NUBPL: variants seen among roughly 807,000 people sequenced by gnomAD.
The protein encoded by NUBPL is NUBP iron-sulfur cluster assembly factor, mitochondrial.
NUBPL carries 31 observed loss-of-function variants against 45.7 expected under a neutral mutation model. The ratio of observed to expected loss-of-function variants is 0.68; its 90% CI spans 0.51 to 0.92. NUBPL has a LOEUF of 0.92. Ranked by LOEUF, NUBPL falls within the 40% of genes least tolerant of loss-of-function variation. NUBPL has a pLI of 0.00. For missense variants in NUBPL, 401 were observed against 398.7 expected (o/e 1.01, Z -0.05); for synonymous variants, 144 against 140.9 (o/e 1.02, Z -0.15).
chr14:31,613,613 A>G (rs902804080), intron 4 of NUBPL, among the ~76,000 whole-genome samples: 2 of 152,078 alleles, frequency 1.3e-5, no homozygotes, highest in South Asian at 2.1e-4. Context: ...ACGCACCACC[A>G]TGCCCAGCTA....
intron 6 of NUBPL, among the ~76,000 whole-genome samples, chr14:31,754,543 A>G (rs1051673078): frequency 1.3e-5 from 2 of 151,332 alleles, no homozygotes; most frequent in Non-Finnish European, 2.9e-5. Context: ...GATAATCTAT[A>G]GATTTAGAAG....
At chr14:31,637,817 G>A (rs1595408567) in intron 4 of NUBPL, among the ~76,000 whole-genome samples, 1 of 152,156 alleles carries the variant, frequency 6.6e-6, no homozygotes, top group Non-Finnish European at 1.5e-5. Flanking sequence ...TCTTCTTGTT[G>A]AATTGATCCC....
intron 6 of NUBPL, among the ~76,000 whole-genome samples, chr14:31,765,728 C>T (rs967595419): frequency 2.6e-5 from 4 of 151,854 alleles, no homozygotes; most frequent in Non-Finnish European, 4.4e-5. Flanking sequence ...GAAAATGTTT[C>T]TCTTTTATTT....
chr14:31,793,839 T>TTCTGTG (rs1465635905), intron 7 of NUBPL, among the ~76,000 whole-genome samples: 11 of 124,820 alleles, frequency 8.8e-5, no homozygotes, highest in African/African-American at 5.6e-4. Context: ...TTTTTTTTTT[T>TTCTGTG]TATTTTTTTT....
intron 7 of NUBPL, among the ~76,000 whole-genome samples, chr14:31,803,549 T>A (rs1300675401): frequency 6.6e-6 from 1 of 152,216 alleles, no homozygotes; most frequent in African/African-American, 2.4e-5. Flanking sequence ...TATTAAATCT[T>A]CATTAATGTT....
intron 8 of NUBPL, among the ~76,000 whole-genome samples, chr14:31,831,370 A>G (rs1331618735): frequency 1.3e-5 from 2 of 151,758 alleles, no homozygotes; most frequent in Non-Finnish European, 2.9e-5. Context: ...GAGCTTTTTT[A>G]ATTTTATGAT....
At chr14:31,841,476 A>G (rs1297066851) in intron 8 of NUBPL, among the ~76,000 whole-genome samples, 1 of 152,096 alleles carries the variant, frequency 6.6e-6, no homozygotes, top group African/African-American at 2.4e-5. Flanking sequence ...TTATTGTATT[A>G]TCTGGCTTTT....
intron 6 of NUBPL, among the ~76,000 whole-genome samples, chr14:31,751,883 A>G (rs1413457941): frequency 6.6e-6 from 1 of 152,124 alleles, no homozygotes; most frequent in East Asian, 1.9e-4. Flanking sequence ...CCAAAGCTCA[A>G]TTCTTGCCTT....
chr14:31,643,142 T>G (rs1373322745), intron 4 of NUBPL, among the ~76,000 whole-genome samples: 2 of 152,158 alleles, frequency 1.3e-5, no homozygotes, highest in African/African-American at 4.8e-5. Context: ...TGTATATGCT[T>G]TATCTCTTTC....
At chr14:31,561,748 C>T (rs899985128) in intron 1 of NUBPL, 1 of 577,796 alleles carries the variant, frequency 1.7e-6, no homozygotes, top group Non-Finnish European at 3.0e-6. Flanking sequence ...ATGTGGTATT[C>T]TACATTGCTT....
intron 6 of NUBPL, among the ~76,000 whole-genome samples, chr14:31,694,503 A>AACAT (rs1274547459): frequency 3.3e-5 from 5 of 152,116 alleles, no homozygotes; most frequent in East Asian, 3.9e-4. Flanking sequence ...ATCTTACAGC[A>AACAT]ACATACATAC....
intron 6 of NUBPL, among the ~76,000 whole-genome samples, chr14:31,754,914 G>C (rs1196150245): frequency 7.9e-6 from 1 of 126,034 alleles, no homozygotes; most frequent in Non-Finnish European, 1.6e-5. Flanking sequence ...CGTTCTCATT[G>C]TTCAATTCCC....
intron 4 of NUBPL, among the ~76,000 whole-genome samples, chr14:31,599,628 C>A (rs1225117225): frequency 6.6e-6 from 1 of 152,118 alleles, no homozygotes; most frequent in Non-Finnish European, 1.5e-5. Context: ...AATAAAGACT[C>A]AAAACACTTC....
chr14:31,654,187 A>G (rs2036083911), intron 4 of NUBPL: 15 of 443,814 alleles, frequency 3.4e-5, no homozygotes, highest in South Asian at 2.4e-4. Context: ...TTATGTTTAC[A>G]CTATACTGTA....
intron 7 of NUBPL, among the ~76,000 whole-genome samples, chr14:31,792,916 T>C (rs1278270908): frequency 6.6e-6 from 1 of 152,156 alleles, no homozygotes; most frequent in Non-Finnish European, 1.5e-5. Context: ...AACCAAAGAA[T>C]TGCTGGCCTG....
chr14:31,805,214 A>G (rs1173937194), intron 7 of NUBPL, among the ~76,000 whole-genome samples: 2 of 152,266 alleles, frequency 1.3e-5, no homozygotes, highest in Non-Finnish European at 2.9e-5. Flanking sequence ...ACAATGAGAT[A>G]TCATCTCACA....
rs1029421706 is a variant in NUBPL at position 31,825,970 on chromosome 14, A to G, written c.608-659A>G. 2.6e-5 allele frequency among the ~76,000 whole-genome samples: 4 copies of G among 151,334 alleles called. No homozygotes were observed. In the South Asian group the frequency reaches 8.4e-4, roughly 32 times the overall value. On this transcript the variant is annotated intron_variant, in intron 7 of 10. Transcript: ENST00000281081. Reference sequence around the variant, plus strand: ...CCCAAGTAGTTTGGATTACAGGCACATGTCACCATGCCTGGCTATTGGACT... The same window carrying G: ...CCCAAGTAGTTTGGATTACAGGCACGTGTCACCATGCCTGGCTATTGGACT...
intron 6 of NUBPL, among the ~76,000 whole-genome samples, chr14:31,700,475 A>G (rs969906100): frequency 6.6e-6 from 1 of 152,054 alleles, no homozygotes; most frequent in Non-Finnish European, 1.5e-5. Flanking sequence ...CCACTGCTGC[A>G]CTGTGGGAGC....
chr14:31,664,660 C>G (rs1361564947), intron 4 of NUBPL, among the ~76,000 whole-genome samples: 1 of 152,176 alleles, frequency 6.6e-6, no homozygotes, highest in South Asian at 2.1e-4. Flanking sequence ...AGGATTTTCA[C>G]ATCGATGTTC....
Sources: gnomAD v4.1 joint callset for allele counts (sites outside exome capture counted in the v4.1 genomes callset) on GRCh38, gnomAD v4.1.1 for gene constraint, MANE v1.5 for transcripts, NCBI Gene and HGNC (gene_info 2026-07-23, HGNC 2026-07-21) for gene names.